PCDHA3: variants seen among roughly 807,000 people sequenced by gnomAD.
The protein encoded by PCDHA3 is protocadherin alpha 3.
PCDHA3 carries 41 observed loss-of-function variants against 62.2 expected under a neutral mutation model. The observed-to-expected ratio is 0.66, with a 90% CI of 0.51 to 0.86. The LOEUF is 0.86. PCDHA3 is among the 40% of genes least tolerant of loss of function. The pLI, the probability that PCDHA3 is intolerant of heterozygous loss-of-function variation, is 0.00. For missense variants in PCDHA3, 1,304 were observed against 1,241.2 expected, an observed-to-expected ratio of 1.05 and a Z score of -0.76; for synonymous variants, 640 against 555.4, an observed-to-expected ratio of 1.15 and a Z score of -2.14.
chr5:140,841,977 A>C (rs2150326708), intron 1 of PCDHA3: 127 of 1,613,770 alleles, frequency 7.9e-5, no homozygotes, highest in Non-Finnish European at 1.1e-4. Flanking sequence ...GATGGGGGCA[A>C]ACCTGAGCTC....
At position 140,832,275 on chromosome 5, in the gene PCDHA3, A is replaced by G. The variant is rs2150200639; in HGVS notation, c.2394+28684A>G. Among the ~76,000 whole-genome samples the G allele has an allele frequency of 2.6e-5, 4 of 152,332 alleles. No individual in the cohort carries two copies. In the East Asian group the frequency reaches 7.7e-4, roughly 29 times the overall value. On this transcript the variant is annotated intron_variant, in intron 1 of 3. Coordinates refer to ENST00000522353, the MANE Select transcript of PCDHA3 (RefSeq NM_018906.3). The stretch of plus-strand genomic sequence containing the variant: ...TTCCCAGGAAATATTAGACTACATT[A>G]AGCATGAATGGTGTATTTGCCCACA...
chr5:140,835,773 G>T (rs2150244448), intron 1 of PCDHA3: 8 of 1,613,392 alleles, frequency 5.0e-6, no homozygotes, highest in Non-Finnish European at 6.8e-6. Context: ...TACGGTGTTC[G>T]TGAAGGAGAA....
chr5:140,836,387 G>A lies in PCDHA3; in HGVS notation c.2394+32796G>A, dbSNP rs1435398883. The A allele has an allele frequency of 6.2e-6, 10 of 1,613,630 alleles. 1 individual carries two copies. The highest frequency in any genetic ancestry group is 7.6e-6 in the Non-Finnish European group (9 of 1,179,846). On this transcript the variant is annotated intron_variant, in intron 1 of 3. Transcript: ENST00000522353. Reference sequence around the variant, plus strand: ...CAGCCACAGCCACCGTGCTGGTGTCGCTGGTGGAAAGCGGCCAGGCACCAA... The same window carrying A: ...CAGCCACAGCCACCGTGCTGGTGTCACTGGTGGAAAGCGGCCAGGCACCAA...
At chr5:140,861,734 A>G in intron 1 of PCDHA3, 1 of 190,940 alleles carries the variant, frequency 5.2e-6, no homozygotes, top group Non-Finnish European at 1.1e-5. Flanking sequence ...GATGACTTAC[A>G]TACTGTGCCG....
chr5:140,936,151 C>T (rs947807537), intron 1 of PCDHA3, among the ~76,000 whole-genome samples: 66 of 152,246 alleles, frequency 4.3e-4, no homozygotes, highest in African/African-American at 1.5e-3. Context: ...CCTTGGCCTC[C>T]TAAAGTGCTG....
At chr5:141,009,568 G>A in intron 3 of PCDHA3, 59 bp from the exon 4 acceptor site, 4 of 1,577,106 alleles carry the variant, frequency 2.5e-6, no homozygotes, top group Non-Finnish European at 3.4e-6. Context: ...TCTACCAGCA[G>A]TGTGGCATCA....
At chr5:140,900,429 C>A (rs1202126306) in intron 1 of PCDHA3, among the ~76,000 whole-genome samples, 1 of 152,174 alleles carries the variant, frequency 6.6e-6, no homozygotes, top group East Asian at 1.9e-4. Context: ...AGGCACGTGC[C>A]ACCACGGCCG....
chr5:140,883,447 C>A, intron 1 of PCDHA3: 1 of 1,614,168 alleles, frequency 6.2e-7, no homozygotes. Context: ...CGCCGCATGT[C>A]CCCTTCAAGC....
At chr5:140,995,924 G>T (rs998405229) in intron 3 of PCDHA3, among the ~76,000 whole-genome samples, 2 of 152,308 alleles carry the variant, frequency 1.3e-5, no homozygotes, top group African/African-American at 4.8e-5. Flanking sequence ...ATAGGCTGTT[G>T]TAAGTATTAA....
intron 1 of PCDHA3, chr5:140,870,108 CTG>C (rs1455437240): frequency 6.2e-7 from 1 of 1,613,906 alleles, no homozygotes; most frequent in African/African-American, 1.3e-5. Flanking sequence ...ACTGTACAGT[CTG>C]GGTGGAAATC....
At chr5:140,967,051 G>A in intron 1 of PCDHA3, 1 of 1,612,562 alleles carries the variant, frequency 6.2e-7, no homozygotes, top group Non-Finnish European at 8.5e-7. Context: ...TGGACCTGAC[G>A]AGTGGAGCGC....
intron 1 of PCDHA3, chr5:140,836,574 G>T: frequency 6.2e-7 from 1 of 1,613,706 alleles, no homozygotes; most frequent in Non-Finnish European, 8.5e-7. Flanking sequence ...CTCTGAGGGC[G>T]CATGTAGTTT....
At chr5:141,009,450 A>G (rs1272306412) in intron 3 of PCDHA3, among the ~76,000 whole-genome samples, 177 bp from the exon 4 acceptor site, 1 of 152,250 alleles carries the variant, frequency 6.6e-6, no homozygotes, top group Non-Finnish European at 1.5e-5. Context: ...TCTCAAAAAA[A>G]TTAAACAAAT....
chr5:140,902,526 T>C (rs1388582391), intron 1 of PCDHA3, among the ~76,000 whole-genome samples: 1 of 152,140 alleles, frequency 6.6e-6, no homozygotes, highest in African/African-American at 2.4e-5. Flanking sequence ...GTTTTTATTA[T>C]GTTGAGGTAT....
intron 1 of PCDHA3, among the ~76,000 whole-genome samples, chr5:140,855,007 T>C (rs1224641648): frequency 6.7e-6 from 1 of 149,970 alleles, no homozygotes; most frequent in Non-Finnish European, 1.5e-5. Context: ...TAAGATATTA[T>C]AAAATGAAAC....
chr5:140,843,651 C>T (rs2150364559), intron 1 of PCDHA3: 1 of 1,595,120 alleles, frequency 6.3e-7, no homozygotes, highest in Non-Finnish European at 8.6e-7. Flanking sequence ...CCCTGCCTTC[C>T]TCCTGATCTG....
At chr5:140,809,011 G>C in intron 1 of PCDHA3, 1 of 1,613,732 alleles carries the variant, frequency 6.2e-7, no homozygotes, top group Non-Finnish European at 8.5e-7. Context: ...CGTGGCTTTC[G>C]TACGAGCTGC....
At chr5:140,813,756 G>A (rs1381820714) in intron 1 of PCDHA3, 1 of 152,316 alleles carries the variant, frequency 6.6e-6, no homozygotes, top group African/African-American at 2.4e-5. Context: ...AGCACTTTGG[G>A]AGGCTGAGGA....
At chr5:140,851,638 T>G in intron 1 of PCDHA3, 1 of 915,858 alleles carries the variant, frequency 1.1e-6, no homozygotes, top group Non-Finnish European at 1.3e-6. Context: ...AAGTGTTTCC[T>G]TTCTTCAAGA....
Sources: gnomAD v4.1 joint callset for allele counts (sites outside exome capture counted in the v4.1 genomes callset) on GRCh38, gnomAD v4.1.1 for gene constraint, MANE v1.5 for transcripts, NCBI Gene and HGNC (gene_info 2026-07-23, HGNC 2026-07-21) for gene names.